Variants in DUOX2 observed in about 807,000 individuals in gnomAD.
DUOX2 encodes the protein NADH/NADPH thyroid oxidase p138-tox.
A neutral mutation model predicts 183.3 loss-of-function variants in DUOX2; 185 were observed. The ratio of observed to expected loss-of-function variants is 1.01; its 90% CI spans 0.90 to 1.14. The LOEUF (loss-of-function observed/expected upper bound fraction) is 1.14, where lower values mean the gene tolerates loss of function less well. Ranked by LOEUF, DUOX2 falls within the 50% of genes most tolerant of loss-of-function variation. DUOX2 has a pLI of 0.00. For missense variants in DUOX2, 1,999 were observed against 2,022.9 expected, an observed-to-expected ratio of 0.99 and a Z score of 0.23; for synonymous variants, 788 against 812.4, an observed-to-expected ratio of 0.97 and a Z score of 0.51.
In DUOX2 at chr15:45,099,881, C is replaced by T; in HGVS notation, c.3196G>A (p.Ala1066Thr). ...TGTGCAATGTCCGAGGGTGGCGAGGCAAAGCCATAGTCTGGGGCCGGAGTG... is the reference window on the plus strand; with the variant it reads ...TGTGCAATGTCCGAGGGTGGCGAGGTAAAGCCATAGTCTGGGGCCGGAGTG... ...FADRAYYYGF[A>T]SPPSDIAQTT... Residue 1066 changes from alanine to threonine, a missense_variant, in exon 25 of 34, where the codon GCC becomes ACC. This residue lies in a region of DUOX2 where 1,628 missense variants were observed against 1,608.6 expected (regional missense o/e 1.01). Transcript: ENST00000389039. The T allele has an allele frequency of 6.2e-7, 1 of 1,614,166 alleles. No homozygotes were observed. Among genetic ancestry groups the T allele is most frequent in the South Asian group, 1.1e-5 (1 of 91,086 alleles).
chr15:45,103,167 G>A (rs1595523155), intron 20 of DUOX2, among the ~76,000 whole-genome samples: 1 of 152,346 alleles, frequency 6.6e-6, no homozygotes, highest in East Asian at 1.9e-4. Flanking sequence ...TGGACCATAT[G>A]AGGAATGTAG....
At position 45,112,623 on chromosome 15, in the gene DUOX2, T is replaced by C. The variant is rs542047276; in HGVS notation, c.256A>G (p.Asn86Asp). 6.2e-7 allele frequency: 1 copy of C among 1,612,872 alleles called. No individual in the cohort carries two copies. The highest frequency in any genetic ancestry group is 1.3e-5 in the African/African-American group (1 of 75,054). ...CCGGCTATGCCCCGCGTGGCTGCGTTGCTGAGCCGGCGCGGGTTGGGCAGC... is the reference window on the plus strand; with the variant it reads ...CCGGCTATGCCCCGCGTGGCTGCGTCGCTGAGCCGGCGCGGGTTGGGCAGC... ...PQLPNPRRLS[N>D]AATRGIAGLP... The change falls in exon 4 of 34, where the codon AAC (asparagine) becomes GAC (aspartate). Residue 86 changes from asparagine (N) to aspartate (D), a missense_variant. Asn to Asp is a conservative substitution (Grantham distance 23). Around this residue, in one of 3 missense-constraint regions of DUOX2, gnomAD observed 356 missense variants for 356.4 expected, o/e 1.00. Coordinates refer to ENST00000389039, the MANE Select transcript of DUOX2 (RefSeq NM_001363711.2).
Position 45,111,536 on chromosome 15 carries a change from G to C in DUOX2, c.563C>G (p.Ser188Trp). The C allele has an allele frequency of 6.4e-7, 1 of 1,555,782 alleles. No homozygotes were observed. The highest frequency in any genetic ancestry group is 8.7e-7 in the Non-Finnish European group (1 of 1,153,862). The stretch of plus-strand genomic sequence containing the variant: ...CCGCAGCGCGTCGCTCCAGGAGTGC[G>C]AGGAGCCATAGATGGCGCTGCCGTC... ...WLDGSAIYGS[S>W]HSWSDALRSF... Residue 188 changes from serine (S) to tryptophan (W), a missense_variant, in exon 6 of 34, where the codon TCG (serine) becomes TGG (tryptophan). Ser to Trp is a radical substitution (Grantham distance 177, BLOSUM62 -3). Coordinates refer to ENST00000389039, the MANE Select transcript of DUOX2 (RefSeq NM_001363711.2).
In DUOX2 at chr15:45,105,799, C is replaced by G; in HGVS notation, c.2178G>C (p.Arg726=). Residue 726 remains arginine, a synonymous_variant, in exon 18 of 34, where the codon CGG becomes CGC. Transcript: ENST00000389039. ...LVLLFSSEEE[R]GAFVQQLWDF... is the part of the protein sequence containing the mutation. ...CCCATAGCTGCTGCACAAAGGCGCC[C>G]CGTTCCTCTTCAGAACTAAACAGCA... The G allele has an allele frequency of 1.2e-6, 2 of 1,614,216 alleles. No homozygotes were observed. Among genetic ancestry groups the G allele is most frequent in the Non-Finnish European group, 1.7e-6 (2 of 1,180,036 alleles).
intron 29 of DUOX2, 66 bp from the exon 30 acceptor site, chr15:45,096,126 G>T: frequency 2.2e-6 from 3 of 1,380,294 alleles, no homozygotes; most frequent in Middle Eastern, 1.8e-4. Flanking sequence ...AGGACTGATA[G>T]GCACCTGTCC....
In DUOX2 at chr15:45,111,838, ACG is replaced by A. The variant is rs1676574782; in HGVS notation, c.441_442del (p.Val148GlyfsTer152). 1 of 1,613,242 alleles carries A rather than the reference ACG, an allele frequency of 6.2e-7. No homozygotes were observed. The highest frequency in any genetic ancestry group is 8.5e-7 in the Non-Finnish European group (1 of 1,179,880). ...GCGGCTCCTCTGGAAGGGCAGCACC[ACG>A]TCCCCGCGCTGGTCGGGGTCGAACA... On this transcript the variant is annotated frameshift_variant, in exon 5 of 34. Transcript: ENST00000389039. LOFTEE classifies it high-confidence loss of function.
chr15:45,111,400 C>T lies in DUOX2; in HGVS notation c.699G>A (p.Gly233=). The change falls in exon 6 of 34, where the codon GGG becomes GGA. Residue 233 remains glycine (G), a synonymous_variant. Transcript: ENST00000389039. ...TGGCCTCACCGTACAGCCCCCGGGG[C>T]CCGTTCTGCCCGGTGGCGGGGTCGG... ...AAPDPATGQN[G]PRGLYAFGAE... 6.8e-7 allele frequency: 1 copy of T among 1,461,600 alleles called. No homozygotes were observed. The highest frequency in any genetic ancestry group is 9.0e-7 in the Non-Finnish European group (1 of 1,109,080). 90.5% of individuals were successfully genotyped at this position (1,461,600 alleles called of 1,614,324 possible).
At chr15:45,096,868 G>A (rs1422273175) in intron 29 of DUOX2, among the ~76,000 whole-genome samples, 2 of 152,136 alleles carry the variant, frequency 1.3e-5, no homozygotes, top group Non-Finnish European at 2.9e-5. Flanking sequence ...GGCAATCTGG[G>A]CATTTGCCTG....
chr15:45,101,684 A>C, intron 21 of DUOX2, 109 bp downstream of exon 21: 8 of 1,372,520 alleles, frequency 5.8e-6, no homozygotes, highest in Non-Finnish European at 7.2e-6. Context: ...GTTCTATACT[A>C]GGTACCAAGG....
rs766033534 is a variant in DUOX2 at position 45,111,978 on chromosome 15, C to G, written c.326-23G>C. The G allele has an allele frequency of 8.7e-6, 14 of 1,611,470 alleles. No homozygotes were observed. In the South Asian group the frequency reaches 1.5e-4, roughly 18 times the overall value. ...AGCCTGCGGGCATGGGGCGCCAATA[C>G]GTGACAAACCGTCCGTATTGCGCCC... is the stretch of plus-strand genomic sequence containing the variant. On this transcript the variant is annotated intron_variant, in intron 4 of 33. Transcript: ENST00000389039.
At chr15:45,106,752 G>C in intron 15 of DUOX2, 80 bp downstream of exon 15, 3 of 1,605,302 alleles carry the variant, frequency 1.9e-6, no homozygotes, top group Non-Finnish European at 2.6e-6. Flanking sequence ...GGTCTCAAAC[G>C]GTACCAAATA....
intron 17 of DUOX2, 71 bp downstream of exon 17, chr15:45,106,054 A>G (rs931255488): frequency 1.9e-6 from 3 of 1,556,314 alleles, no homozygotes; most frequent in Non-Finnish European, 2.6e-6. Context: ...AGCTGAGGAT[A>G]GGGTGGCCTC....
intron 5 of DUOX2, 77 bp from the exon 6 acceptor site, chr15:45,111,662 C>T: frequency 1.4e-6 from 2 of 1,444,732 alleles, no homozygotes; most frequent in African/African-American, 1.5e-5. Flanking sequence ...GGCGGGTGTC[C>T]GCGGCTGGGG....
Position 45,095,884 on chromosome 15 carries a change from G to A in DUOX2, c.4024C>T (p.Arg1342Cys), listed in dbSNP as rs1436211925. 1.3e-5 allele frequency: 21 copies of A among 1,612,570 alleles called. No homozygotes were observed. Among genetic ancestry groups the A allele is most frequent in the South Asian group, 5.5e-5 (5 of 91,004 alleles). ...GGGGATGAGTAGATCTCCCTGAGGC[G>A]AGTGGTCCAGGGCCCCACTGCCCGG... Reference protein sequence around the residue: ...HIRAVGPWTTRLREIYSSPKG... With the variant: ...HIRAVGPWTTCLREIYSSPKG... The change falls in exon 30 of 34, where the codon CGC (arginine) becomes TGC (cysteine). Residue 1342 changes from arginine (R) to cysteine (C), a missense_variant. Arg to Cys is a radical substitution (Grantham distance 180, BLOSUM62 -3). Coordinates refer to ENST00000389039, the MANE Select transcript of DUOX2 (RefSeq NM_001363711.2).
In DUOX2 at chr15:45,093,807, G is replaced by A; in HGVS notation, c.*343C>T. On this transcript the variant is annotated 3_prime_UTR_variant, in exon 34 of 34. Coordinates refer to ENST00000389039, the MANE Select transcript of DUOX2 (RefSeq NM_001363711.2). ...CCACTTTGCTTGCCACGCCTGCCAT[G>A]GCTTGAGCTGGGGTGAGGAGTGGTC... The A allele has an allele frequency of 3.1e-6, 1 of 325,128 alleles. No individual in the cohort carries two copies. The highest frequency in any genetic ancestry group is 3.1e-5 in the South Asian group (1 of 32,108). The allele number at this position is 325,128 out of a possible 1,614,324, so 20.1% of individuals were successfully genotyped here.
At chr15:45,103,903 G>A in intron 20 of DUOX2, 57 bp downstream of exon 20, 1 of 1,592,248 alleles carries the variant, frequency 6.3e-7, no homozygotes, top group Non-Finnish European at 8.6e-7. Context: ...GACTGGACCT[G>A]TTTTCCTGTT....
Position 45,099,878 on chromosome 15 carries a change from A to T in DUOX2, c.3199T>A (p.Ser1067Thr), listed in dbSNP as rs773231313. Residue 1067 changes from serine (S) to threonine (T), a missense_variant, in exon 25 of 34, where the codon TCG (serine) becomes ACG (threonine). By Grantham distance (58) the Ser-to-Thr change is moderately conservative. This residue lies in a region of DUOX2 where 1,628 missense variants were observed against 1,608.6 expected (regional missense o/e 1.01). Coordinates refer to ENST00000389039, the MANE Select transcript of DUOX2 (RefSeq NM_001363711.2). ...GTCTGTGCAATGTCCGAGGGTGGCG[A>T]GGCAAAGCCATAGTCTGGGGCCGGA... ...ADRAYYYGFA[S>T]PPSDIAQTTL... The T allele has an allele frequency of 1.9e-6, 3 of 1,614,058 alleles. No individual in the cohort carries two copies. The highest frequency in any genetic ancestry group is 8.5e-7 in the Non-Finnish European group (1 of 1,180,040).
intron 4 of DUOX2, 56 bp from the exon 5 acceptor site, chr15:45,112,011 G>A: frequency 1.3e-6 from 2 of 1,587,024 alleles, no homozygotes; most frequent in Non-Finnish European, 1.7e-6. Context: ...CCCTCCCCAC[G>A]GCCAGGGCGG....
chr15:45,104,743 T>G (rs1260800867), intron 18 of DUOX2, among the ~76,000 whole-genome samples: 1 of 152,220 alleles, frequency 6.6e-6, no homozygotes, highest in Admixed American at 6.5e-5. Context: ...TCTTGCCAAT[T>G]CAGATAAGGC....
Sources: gnomAD v4.1 joint callset for allele counts (sites outside exome capture counted in the v4.1 genomes callset) on GRCh38, gnomAD v4.1.1 for gene constraint, gnomAD v4.1.1 regional missense constraint, MANE v1.5 for transcripts, NCBI Gene and HGNC (gene_info 2026-07-23, HGNC 2026-07-21) for gene names.